SULF1: variants seen among roughly 807,000 people sequenced by gnomAD.
The protein encoded by SULF1 is sulfatase 1, also known as extracellular sulfatase Sulf-1.
In SULF1, 46 loss-of-function variants were observed where a neutral mutation model predicts 110.5. The observed-to-expected ratio is 0.42, with a 90% CI of 0.33 to 0.53. SULF1 has a LOEUF of 0.53. Among genes scored for constraint, SULF1 ranks in the 20% least tolerant of loss-of-function variants. The pLI, the probability that SULF1 is intolerant of heterozygous loss-of-function variation, is 0.12. For missense variants in SULF1, 941 were observed against 1,094.2 expected, an observed-to-expected ratio of 0.86 and a Z score of 1.98; for synonymous variants, 371 against 387.1, an observed-to-expected ratio of 0.96 and a Z score of 0.49.
chr8:69,501,062 G>A (rs563228401), intron 2 of SULF1, among the ~76,000 whole-genome samples: 3 of 152,226 alleles, frequency 2.0e-5, no homozygotes, highest in Non-Finnish European at 2.9e-5. Flanking sequence ...ATATGTATAC[G>A]AAGGTACAAC....
chr8:69,634,929 G>C (rs1265238880), intron 19 of SULF1, among the ~76,000 whole-genome samples: 1 of 152,132 alleles, frequency 6.6e-6, no homozygotes, highest in East Asian at 1.9e-4. Flanking sequence ...TGCCTCAGCT[G>C]GGATTACAGG....
intron 2 of SULF1, among the ~76,000 whole-genome samples, chr8:69,500,578 A>G (rs889098152): frequency 6.6e-5 from 10 of 152,236 alleles, no homozygotes; most frequent in African/African-American, 2.4e-4. Context: ...TGCACATACA[A>G]TTATAAGCAC....
intron 1 of SULF1, among the ~76,000 whole-genome samples, chr8:69,495,169 T>C (rs1183933246): frequency 6.6e-6 from 1 of 152,148 alleles, no homozygotes. Flanking sequence ...GGTTGAGATA[T>C]CACTAAGAGG....
chr8:69,485,877 T>A (rs1809685915), intron 1 of SULF1, among the ~76,000 whole-genome samples: 1 of 152,232 alleles, frequency 6.6e-6, no homozygotes, highest in Non-Finnish European at 1.5e-5. Flanking sequence ...TGGAATCCAC[T>A]GTTTTCTAGC....
intron 22 of SULF1, among the ~76,000 whole-genome samples, chr8:69,653,197 G>T (rs1812482883): frequency 6.6e-6 from 1 of 152,036 alleles, no homozygotes; most frequent in Non-Finnish European, 1.5e-5. Flanking sequence ...AGCCTTCTGA[G>T]TAGCTGGGAT....
chr8:69,660,347 T>C lies in SULF1; in HGVS notation c.*1812T>C, dbSNP rs1813027166. The stretch of plus-strand genomic sequence containing the variant: ...TCTTAACATTGTGTTCTATGATTAT[T>C]TGTAAGACCTTCACCAAGTTCTGAT... On this transcript the variant is annotated 3_prime_UTR_variant, in exon 23 of 23. Coordinates refer to ENST00000402687, the MANE Select transcript of SULF1 (RefSeq NM_001128205.2). The C allele has an allele frequency of 6.6e-6, 1 of 152,280 alleles. No homozygotes were observed. Among genetic ancestry groups the C allele is most frequent in the African/African-American group, 2.4e-5 (1 of 41,458 alleles). 9.4% of individuals were successfully genotyped at this position (152,280 alleles called of 1,614,324 possible).
intron 12 of SULF1, 52 bp from the exon 13 acceptor site, chr8:69,604,751 A>C (rs2130423051): frequency 6.2e-7 from 1 of 1,603,724 alleles, no homozygotes; most frequent in Non-Finnish European, 8.5e-7. Context: ...GGACTCAGGG[A>C]CCGTAATTCA....
rs376768331 is a variant in SULF1, at chr8:69,599,772, C to T, written c.735-831C>T. ...GATATGTTACGTACCCATGGCAGAG[C>T]GTGAGGTGGCAGCATCTAATGGTTG... On this transcript the variant is annotated intron_variant, in intron 8 of 22. Transcript: ENST00000402687. 1.1e-4 allele frequency among the ~76,000 whole-genome samples: 17 copies of T among 152,192 alleles called. No individual in the cohort carries two copies. In the South Asian group the frequency reaches 1.9e-3, roughly 17 times the overall value.
At chr8:69,610,862 T>TG (rs1808595543) in intron 13 of SULF1, among the ~76,000 whole-genome samples, 1 of 152,250 alleles carries the variant, frequency 6.6e-6, no homozygotes, top group Admixed American at 6.5e-5. Flanking sequence ...CTTTCTCACT[T>TG]GCATGGAGGT....
At chr8:69,572,029 G>T (rs2150736570) in intron 5 of SULF1, among the ~76,000 whole-genome samples, 1 of 152,292 alleles carries the variant, frequency 6.6e-6, no homozygotes, top group South Asian at 2.1e-4. Context: ...GCCCACTCAT[G>T]CCTCATCTGT....
chr8:69,574,163 C>T (rs969160108), intron 5 of SULF1, among the ~76,000 whole-genome samples: 3 of 152,204 alleles, frequency 2.0e-5, no homozygotes, highest in African/African-American at 7.2e-5. Flanking sequence ...CTTAACATGC[C>T]GTTCGTGTCT....
intron 5 of SULF1, among the ~76,000 whole-genome samples, chr8:69,574,198 T>A (rs1805440548): frequency 6.6e-6 from 1 of 152,166 alleles, no homozygotes; most frequent in South Asian, 2.1e-4. Flanking sequence ...AACTCTACCT[T>A]TGTTTTTTTT....
chr8:69,545,434 A>T (rs927013954), intron 3 of SULF1, among the ~76,000 whole-genome samples: 1 of 152,214 alleles, frequency 6.6e-6, no homozygotes, highest in South Asian at 2.1e-4. Context: ...GGCCTTATTG[A>T]CTAAAGGTTT....
chr8:69,616,141 C>T (rs921222453), intron 13 of SULF1, among the ~76,000 whole-genome samples: 8 of 137,998 alleles, frequency 5.8e-5, no homozygotes, highest in African/African-American at 1.9e-4. Flanking sequence ...TATATATACA[C>T]ACATATATGT....
chr8:69,468,518 C>T (rs1808951148), intron 1 of SULF1, among the ~76,000 whole-genome samples: 1 of 152,136 alleles, frequency 6.6e-6, no homozygotes, highest in South Asian at 2.1e-4. Flanking sequence ...GAGAAATTAT[C>T]CTCATAAATA....
chr8:69,588,910 A>T (rs1409294548), intron 7 of SULF1, 62 bp from the exon 8 acceptor site: 26 of 1,527,884 alleles, frequency 1.7e-5, no homozygotes, highest in Non-Finnish European at 2.1e-5. Flanking sequence ...GCAGTTATTC[A>T]AATGCGATCT....
At chr8:69,600,904 T>A in intron 9 of SULF1, 151 bp downstream of exon 9, 1 of 870,230 alleles carries the variant, frequency 1.1e-6, no homozygotes, top group Non-Finnish European at 1.7e-6. Flanking sequence ...TTTAGTGGCT[T>A]AATCATCCCT....
Position 69,658,810 on chromosome 8 carries a change from G to C in SULF1, c.*275G>C. On this transcript the variant is annotated 3_prime_UTR_variant, in exon 23 of 23. Coordinates refer to ENST00000402687, the MANE Select transcript of SULF1 (RefSeq NM_001128205.2). ...GATGGCCTCTGCTGACTCAGATGAA[G>C]ACCCAAGGCATAAGGTTGGGAAAAC... The C allele has an allele frequency of 1.6e-6, 1 of 615,936 alleles. No homozygotes were observed. The highest frequency in any genetic ancestry group is 3.0e-6 in the Non-Finnish European group (1 of 329,590). 38.2% of individuals were successfully genotyped at this position (615,936 alleles called of 1,614,324 possible).
chr8:69,573,182 A>T (rs1586438651), intron 5 of SULF1, among the ~76,000 whole-genome samples: 1 of 152,072 alleles, frequency 6.6e-6, no homozygotes, highest in Admixed American at 6.5e-5. Flanking sequence ...AACAGTGCCT[A>T]TGGGGATCCA....
Sources: gnomAD v4.1 joint callset for allele counts (sites outside exome capture counted in the v4.1 genomes callset) on GRCh38, gnomAD v4.1.1 for gene constraint, MANE v1.5 for transcripts, NCBI Gene and HGNC (gene_info 2026-07-23, HGNC 2026-07-21) for gene names.